Variants in PEPD observed in about 807,000 individuals in gnomAD.
The protein encoded by PEPD is xaa-Pro dipeptidase.
In PEPD, 53 loss-of-function variants were observed where a neutral mutation model predicts 60.7. The observed-to-expected ratio is 0.87, with a 90% CI of 0.70 to 1.10. PEPD has a LOEUF of 1.10. PEPD is among the 50% of genes least tolerant of loss of function. The pLI is 0.00. For synonymous variants in PEPD, 267 were observed against 284.1 expected (o/e 0.94, Z 0.60); for missense variants, 711 against 711.9 (o/e 1.00, Z 0.01).
At chr19:33,507,475 C>T (rs1472815824) in intron 3 of PEPD, among the ~76,000 whole-genome samples, 2 of 152,190 alleles carry the variant, frequency 1.3e-5, no homozygotes, top group Non-Finnish European at 1.5e-5. Context: ...CGGCCCCTGG[C>T]GTCTGCAACC....
chr19:33,409,745 C>G (rs1053189756), intron 11 of PEPD, among the ~76,000 whole-genome samples: 1 of 152,188 alleles, frequency 6.6e-6, no homozygotes, highest in Non-Finnish European at 1.5e-5. Context: ...AGGGCTGCCA[C>G]CCCCTCTCCT....
At chr19:33,416,141 C>T (rs184028438) in intron 9 of PEPD, among the ~76,000 whole-genome samples, 207 of 152,306 alleles carry the variant, frequency 1.4e-3, no homozygotes, top group East Asian at 0.011. Context: ...AACTGGGGCC[C>T]ATGCTTGATG....
chr19:33,511,521 T>C (rs920687555), intron 2 of PEPD: 3 of 349,934 alleles, frequency 8.6e-6, no homozygotes, highest in African/African-American at 2.1e-5. Flanking sequence ...CCCCGGATTC[T>C]GACGCCCAGG....
rs1257690621 is a variant in PEPD at position 33,512,704 on chromosome 19, C to A, written c.90G>T (p.Leu30=). ...CAGGGTTCTTCCGCAGCCGCTCACA[C>A]AGGCGCTGCCGGTTCAAGGCAAAGA... is the stretch of plus-strand genomic sequence containing the variant. The part of the protein sequence containing the change: ...LALFALNRQR[L]CERLRKNPAV... Residue 30 remains leucine (L), a synonymous_variant, in exon 2 of 15, where the codon CTG becomes CTT. Transcript: ENST00000244137. The A allele has an allele frequency of 2.5e-6, 4 of 1,614,100 alleles. No homozygotes were observed. The East Asian group carries it at 6.7e-5, about 27-fold the overall frequency.
intron 3 of PEPD, among the ~76,000 whole-genome samples, chr19:33,507,543 G>A (rs1000330534): frequency 1.3e-5 from 2 of 152,120 alleles, no homozygotes; most frequent in African/African-American, 2.4e-5. Flanking sequence ...CGGGGGTGTC[G>A]TTTCCCTGGG....
At chr19:33,428,821 G>A (rs2145392719) in intron 9 of PEPD, among the ~76,000 whole-genome samples, 1 of 152,354 alleles carries the variant, frequency 6.6e-6, no homozygotes, top group Non-Finnish European at 1.5e-5. Context: ...CAGTAAACAT[G>A]TGAAGAAAGG....
At chr19:33,405,670 C>T (rs1000302435) in intron 11 of PEPD, among the ~76,000 whole-genome samples, 1 of 152,268 alleles carries the variant, frequency 6.6e-6, no homozygotes, top group African/African-American at 2.4e-5. Flanking sequence ...CCAGCCAGGC[C>T]TTCCGTGGAG....
chr19:33,483,255 C>T (rs190025987), intron 6 of PEPD, among the ~76,000 whole-genome samples: 1 of 152,246 alleles, frequency 6.6e-6, no homozygotes, highest in East Asian at 1.9e-4. Context: ...AACTTCCATC[C>T]TAAGAATGAC....
chr19:33,449,082 C>T (rs1040614609), intron 9 of PEPD, among the ~76,000 whole-genome samples: 2 of 152,234 alleles, frequency 1.3e-5, no homozygotes, highest in East Asian at 3.8e-4. Context: ...TCACAGGGGC[C>T]TCGGGGGAAG....
rs146789236 is a variant in PEPD, at chr19:33,411,272, C to A, written c.818+400G>T. Among the ~76,000 whole-genome samples the A allele has an allele frequency of 1.7e-3, 263 of 152,282 alleles. 1 individual carries two copies. The highest frequency in any genetic ancestry group is 6.2e-3 in the African/African-American group (257 of 41,568). ...CAGAGCGTGGGAGGCTCCCTGCGGT[C>A]TTCCCAGCTCCAGACCAAGAGGCCT... On this transcript the variant is annotated intron_variant, in intron 11 of 14. Coordinates refer to ENST00000244137, the MANE Select transcript of PEPD (RefSeq NM_000285.4).
chr19:33,429,923 T>C (rs763004131), intron 9 of PEPD, among the ~76,000 whole-genome samples: 4 of 152,216 alleles, frequency 2.6e-5, no homozygotes, highest in Non-Finnish European at 5.9e-5. Flanking sequence ...GGGGTATTAC[T>C]TTTCCCTAAT....
chr19:33,387,724 A>G, intron 14 of PEPD, 166 bp downstream of exon 14: 2 of 764,076 alleles, frequency 2.6e-6, no homozygotes, highest in Admixed American at 4.1e-5. Flanking sequence ...GTCTGTTCCT[A>G]CTGAGGGGTG....
chr19:33,521,661 G>A, intron 1 of PEPD, 83 bp downstream of exon 1: 2 of 1,426,974 alleles, frequency 1.4e-6, no homozygotes, highest in Non-Finnish European at 1.9e-6. Context: ...GACCCCGGCT[G>A]ACGCTCTCAC....
At chr19:33,423,059 T>C (rs980257949) in intron 9 of PEPD, among the ~76,000 whole-genome samples, 5 of 149,272 alleles carry the variant, frequency 3.3e-5, no homozygotes, top group African/African-American at 4.9e-5. Flanking sequence ...ATCAAGGTGA[T>C]GATCATCTAT....
At chr19:33,392,979 G>A (rs952292302) in intron 12 of PEPD, among the ~76,000 whole-genome samples, 1 of 152,146 alleles carries the variant, frequency 6.6e-6, no homozygotes, top group African/African-American at 2.4e-5. Flanking sequence ...ACGGCTTTGG[G>A]CAGGCAGTAT....
chr19:33,461,933 C>T (rs559659101), intron 9 of PEPD, among the ~76,000 whole-genome samples: 4 of 152,342 alleles, frequency 2.6e-5, no homozygotes, highest in South Asian at 2.1e-4. Context: ...TCCTCCTGGG[C>T]GGGGTAAGGA....
intron 9 of PEPD, among the ~76,000 whole-genome samples, chr19:33,426,971 G>A (rs1969165250): frequency 6.6e-6 from 1 of 152,344 alleles, no homozygotes; most frequent in South Asian, 2.1e-4. Context: ...TCCACCGCGT[G>A]CGGCTGTGTT....
At chr19:33,513,988 T>C (rs1449786754) in intron 1 of PEPD, among the ~76,000 whole-genome samples, 3 of 87,702 alleles carry the variant, frequency 3.4e-5, no homozygotes, top group African/African-American at 1.1e-4. Context: ...CCATCACTCT[T>C]CATTTATTTG....
At chr19:33,434,646 A>G (rs1010518064) in intron 9 of PEPD, among the ~76,000 whole-genome samples, 17 of 151,820 alleles carry the variant, frequency 1.1e-4, no homozygotes, top group Admixed American at 8.5e-4. Flanking sequence ...ACAGAAATGG[A>G]AAGTTTATCG....
Sources: gnomAD v4.1 joint callset for allele counts (sites outside exome capture counted in the v4.1 genomes callset) on GRCh38, gnomAD v4.1.1 for gene constraint, MANE v1.5 for transcripts, NCBI Gene and HGNC (gene_info 2026-07-23, HGNC 2026-07-21) for gene names.